The following TANGO6 variants were observed in gnomAD, a reference collection of about 807,000 sequenced individuals.
TANGO6 encodes the protein transport and golgi organization 6 homolog.
Under a neutral mutation model 114.2 loss-of-function variants are expected in TANGO6, and 90 were observed. That is an observed-to-expected ratio of 0.79 (90% CI 0.66 to 0.94). The LOEUF (loss-of-function observed/expected upper bound fraction) is 0.94, where lower values mean the gene tolerates loss of function less well. Ranked by LOEUF, TANGO6 falls within the 40% of genes least tolerant of loss-of-function variation. The pLI is 0.00. For missense variants in TANGO6, 1,274 were observed against 1,315.3 expected (o/e 0.97, Z 0.49); for synonymous variants, 477 against 509.8 (o/e 0.94, Z 0.87).
chr16:68,961,569 A>G (rs1301243956), intron 14 of TANGO6, among the ~76,000 whole-genome samples: 1 of 152,236 alleles, frequency 6.6e-6, no homozygotes, highest in Non-Finnish European at 1.5e-5. Flanking sequence ...GTATTTATTA[A>G]TAATATTTCA....
chr16:68,909,982 A>G (rs1366549536), intron 11 of TANGO6, among the ~76,000 whole-genome samples: 1 of 152,244 alleles, frequency 6.6e-6, no homozygotes, highest in Non-Finnish European at 1.5e-5. Flanking sequence ...GAGTATCACT[A>G]TGCGAGTCAG....
intron 17 of TANGO6, among the ~76,000 whole-genome samples, chr16:69,066,098 A>G (rs1247247613): frequency 6.6e-6 from 1 of 152,032 alleles, no homozygotes; most frequent in Non-Finnish European, 1.5e-5. Flanking sequence ...TACCAACATC[A>G]TCTGACCTGC....
chr16:68,974,121 C>G lies in TANGO6; in HGVS notation c.2795C>G (p.Thr932Ser). ...AGCAAAGACAAGCACACACCAGAGA[C>G]CAGAATGAAAGTCGGGGAAGTCCTT... ...DSSKDKHTPE[T>S]RMKVGEVLMR... is the part of the protein sequence containing the mutation. Residue 932 changes from threonine (T) to serine (S), a missense_variant, in exon 15 of 18, where the codon ACC becomes AGC. By Grantham distance (58) the Thr-to-Ser change is moderately conservative. Around this residue, in one of 5 missense-constraint regions of TANGO6, gnomAD observed 238 missense variants for 252.9 expected, o/e 0.94. Coordinates refer to ENST00000261778, the MANE Select transcript of TANGO6 (RefSeq NM_024562.2). The G allele has an allele frequency of 1.2e-6, 2 of 1,613,884 alleles. No homozygotes were observed. Among genetic ancestry groups the G allele is most frequent in the Non-Finnish European group, 1.7e-6 (2 of 1,179,872 alleles).
chr16:68,907,327 C>T, intron 9 of TANGO6, 116 bp from the exon 10 acceptor site: 3 of 1,137,852 alleles, frequency 2.6e-6, no homozygotes, highest in Non-Finnish European at 3.6e-6. Flanking sequence ...TTTGGGGGAT[C>T]TTTTTAATGG....
chr16:68,844,926 A>C (rs1567521585), intron 1 of TANGO6, among the ~76,000 whole-genome samples: 2 of 151,948 alleles, frequency 1.3e-5, no homozygotes, highest in East Asian at 3.9e-4. Flanking sequence ...ATAGAATTTT[A>C]AGTTGCTAAT....
intron 8 of TANGO6, among the ~76,000 whole-genome samples, chr16:68,901,967 T>A (rs1245471102): frequency 6.6e-6 from 1 of 152,002 alleles, no homozygotes; most frequent in Non-Finnish European, 1.5e-5. Flanking sequence ...GCTGTTGGTC[T>A]TGCTGAGAGT....
At chr16:68,967,141 A>T (rs181259219) in intron 14 of TANGO6, among the ~76,000 whole-genome samples, 1 of 152,206 alleles carries the variant, frequency 6.6e-6, no homozygotes, top group Admixed American at 6.5e-5. Context: ...GAATTTTAGA[A>T]CAATGGCCCC....
At chr16:68,969,912 T>G (rs1963685920) in intron 14 of TANGO6, among the ~76,000 whole-genome samples, 1 of 152,170 alleles carries the variant, frequency 6.6e-6, no homozygotes. Flanking sequence ...GCTCTCCCTC[T>G]GTGTTGGTGT....
At chr16:68,847,837 T>C (rs1961837975) in intron 1 of TANGO6, among the ~76,000 whole-genome samples, 1 of 151,894 alleles carries the variant, frequency 6.6e-6, no homozygotes, top group African/African-American at 2.4e-5. Flanking sequence ...CCGTCTCTAC[T>C]AAAAATACAA....
At chr16:68,883,409 A>G (rs1266613213) in intron 7 of TANGO6, among the ~76,000 whole-genome samples, 1 of 152,194 alleles carries the variant, frequency 6.6e-6, no homozygotes, top group African/African-American at 2.4e-5. Context: ...GAATTGTACA[A>G]TATGTGTTTT....
intron 17 of TANGO6, among the ~76,000 whole-genome samples, chr16:69,060,765 G>A (rs1015976191): frequency 1.3e-5 from 2 of 151,576 alleles, no homozygotes; most frequent in South Asian, 2.1e-4. Flanking sequence ...AGGCCGAGGC[G>A]GGAGGATCAC....
intron 2 of TANGO6, among the ~76,000 whole-genome samples, chr16:68,862,361 T>C (rs1037863619): frequency 1.3e-5 from 2 of 152,030 alleles, no homozygotes; most frequent in African/African-American, 2.4e-5. Context: ...CACGCCTGAC[T>C]AATTTTTGTA....
intron 14 of TANGO6, 89 bp downstream of exon 14, chr16:68,930,384 C>T (rs1210881238): frequency 2.8e-6 from 3 of 1,068,038 alleles, no homozygotes; most frequent in South Asian, 1.4e-5. Flanking sequence ...GTCCTAGGGC[C>T]AGGAGACTAC....
At chr16:68,858,994 A>G (rs1455429979) in intron 1 of TANGO6, among the ~76,000 whole-genome samples, 1 of 152,148 alleles carries the variant, frequency 6.6e-6, no homozygotes, top group African/African-American at 2.4e-5. Context: ...TTTCTGTCTT[A>G]ATGCCATTGT....
chr16:68,920,882 G>C (rs1009565614), intron 12 of TANGO6, among the ~76,000 whole-genome samples: 1 of 151,904 alleles, frequency 6.6e-6, no homozygotes, highest in African/African-American at 2.4e-5. Context: ...GGGAGGCCGA[G>C]GTGGGCGGAT....
chr16:68,899,077 A>G (rs1463023892), intron 7 of TANGO6, among the ~76,000 whole-genome samples: 3 of 151,824 alleles, frequency 2.0e-5, no homozygotes, highest in African/African-American at 7.3e-5. Flanking sequence ...GTTCGAGACC[A>G]GCCTGAACAA....
intron 11 of TANGO6, among the ~76,000 whole-genome samples, chr16:68,914,231 G>A (rs748045503): frequency 3.3e-5 from 5 of 152,112 alleles, no homozygotes; most frequent in Non-Finnish European, 7.4e-5. Context: ...GCGTGATCTC[G>A]GCTTACCGCA....
At chr16:68,954,062 A>G (rs999353863) in intron 14 of TANGO6, among the ~76,000 whole-genome samples, 2 of 151,952 alleles carry the variant, frequency 1.3e-5, no homozygotes, top group Admixed American at 6.6e-5. Context: ...CAACATGGTG[A>G]AACCTCGTCT....
intron 16 of TANGO6, among the ~76,000 whole-genome samples, chr16:69,038,627 G>A (rs1959727520): frequency 6.6e-6 from 1 of 152,130 alleles, no homozygotes; most frequent in Non-Finnish European, 1.5e-5. Flanking sequence ...CCTACCAGGA[G>A]CCAGGCAAGG....
Sources: allele counts gnomAD v4.1 joint callset (sites outside exome capture counted in the v4.1 genomes callset), GRCh38; gene constraint gnomAD v4.1.1; regional missense constraint gnomAD v4.1.1; transcripts MANE v1.5; gene names NCBI Gene and HGNC (gene_info 2026-07-23, HGNC 2026-07-21).